Variants in FYB1 observed in about 807,000 individuals in gnomAD.
The protein encoded by FYB1 is FYN binding protein 1, also known as FYN-binding protein 1.
Under a neutral mutation model 94.1 loss-of-function variants are expected in FYB1, and 41 were observed. The observed-to-expected ratio is 0.44, with a 90% CI of 0.34 to 0.57. The LOEUF is 0.57. Among genes scored for constraint, FYB1 ranks in the 20% least tolerant of loss-of-function variants. The pLI, the probability that FYB1 is intolerant of heterozygous loss-of-function variation, is 0.02. For synonymous variants in FYB1, 367 were observed against 353.2 expected (o/e 1.04, Z -0.44); for missense variants, 1,050 against 976.8 (o/e 1.07, Z -1.00).
intron 3 of FYB1, 94 bp downstream of exon 3, chr5:39,153,354 G>T: frequency 6.7e-7 from 1 of 1,489,270 alleles, no homozygotes; most frequent in South Asian, 1.2e-5. Context: ...AGACCCAGAA[G>T]TTTCCCATGG....
At chr5:39,135,974 G>A (rs1741641326) in intron 7 of FYB1, among the ~76,000 whole-genome samples, 1 of 152,074 alleles carries the variant, frequency 6.6e-6, no homozygotes. Context: ...GAATGAATGA[G>A]ATAATGTAAA....
At chr5:39,193,022 T>C (rs1304165574) in intron 2 of FYB1, among the ~76,000 whole-genome samples, 1 of 152,210 alleles carries the variant, frequency 6.6e-6, no homozygotes, top group Non-Finnish European at 1.5e-5. Context: ...CTCAAGGCAT[T>C]TGCAGGTTAG....
intron 14 of FYB1, 95 bp from the exon 15 acceptor site, chr5:39,119,729 C>G (rs1354537199): frequency 1.6e-6 from 2 of 1,275,386 alleles, no homozygotes; most frequent in Non-Finnish European, 2.0e-6. Context: ...ATATTTTTAA[C>G]TTTTTGTTTC....
chr5:39,246,679 A>G (rs1243438188), intron 1 of FYB1, among the ~76,000 whole-genome samples: 1 of 152,204 alleles, frequency 6.6e-6, no homozygotes, highest in East Asian at 1.9e-4. Context: ...CAGGTAGAGA[A>G]CAAGTCCAGG....
chr5:39,135,668 C>T (rs376778336), intron 7 of FYB1, among the ~76,000 whole-genome samples: 15 of 152,216 alleles, frequency 9.9e-5, no homozygotes, highest in South Asian at 8.3e-4. Flanking sequence ...ATATGCATGA[C>T]GACTTTTGAA....
At chr5:39,128,053 C>T (rs1426574648) in intron 10 of FYB1, among the ~76,000 whole-genome samples, 1 of 151,964 alleles carries the variant, frequency 6.6e-6, no homozygotes, top group Non-Finnish European at 1.5e-5. Flanking sequence ...GGTGCAAAAA[C>T]ATGAGAAAAA....
chr5:39,231,181 C>A (rs28486009), intron 1 of FYB1, among the ~76,000 whole-genome samples: 2,138 of 100,716 alleles, frequency 0.021, 97 homozygotes, highest in African/African-American at 0.15. Context: ...ACAAAAAAAA[C>A]AAAACAGCTG....
At chr5:39,262,773 A>G (rs527778814) in intron 1 of FYB1, among the ~76,000 whole-genome samples, 2 of 152,352 alleles carry the variant, frequency 1.3e-5, no homozygotes, top group East Asian at 3.9e-4. Context: ...AAAAAACCCA[A>G]TGTAGAGTGA....
At chr5:39,179,886 G>T (rs987134028) in intron 2 of FYB1, among the ~76,000 whole-genome samples, 7 of 152,060 alleles carry the variant, frequency 4.6e-5, no homozygotes, top group African/African-American at 1.7e-4. Flanking sequence ...CCTGGTTTAT[G>T]CCTACTCTGT....
chr5:39,182,312 T>C (rs903062163), intron 2 of FYB1, among the ~76,000 whole-genome samples: 1 of 30,318 alleles, frequency 3.3e-5, no homozygotes, highest in African/African-American at 8.3e-5. Flanking sequence ...TGTGTGTGTG[T>C]GTGTGTGTGT....
intron 15 of FYB1, 50 bp downstream of exon 15, chr5:39,119,485 G>T: frequency 1.5e-6 from 2 of 1,315,492 alleles, no homozygotes; most frequent in South Asian, 1.7e-5. Context: ...AAAATCATTG[G>T]ATTTTTCAAT....
intron 2 of FYB1, among the ~76,000 whole-genome samples, chr5:39,188,928 A>G (rs2150451801): frequency 6.6e-6 from 1 of 152,230 alleles, no homozygotes; most frequent in Non-Finnish European, 1.5e-5. Context: ...TCCATCCCAG[A>G]CCTCTTGAAC....
At chr5:39,212,146 A>G (rs923212579) in intron 1 of FYB1, among the ~76,000 whole-genome samples, 1 of 152,092 alleles carries the variant, frequency 6.6e-6, no homozygotes, top group Non-Finnish European at 1.5e-5. Flanking sequence ...TTTCTACAAA[A>G]GAATATGCAA....
At chr5:39,152,117 T>C (rs1002142210) in intron 3 of FYB1, among the ~76,000 whole-genome samples, 3 of 152,218 alleles carry the variant, frequency 2.0e-5, no homozygotes, top group Admixed American at 6.5e-5. Flanking sequence ...CTGGATATCA[T>C]GGAGGATTAG....
chr5:39,225,731 T>C (rs543363892), intron 1 of FYB1, among the ~76,000 whole-genome samples: 3 of 152,362 alleles, frequency 2.0e-5, no homozygotes, highest in East Asian at 3.9e-4. Context: ...TTTCTCTTCA[T>C]GCCCAATGAA....
chr5:39,135,362 T>A (rs998379536), intron 7 of FYB1, among the ~76,000 whole-genome samples: 3 of 152,268 alleles, frequency 2.0e-5, no homozygotes, highest in African/African-American at 4.8e-5. Context: ...TGTATCTTTA[T>A]GGAATATGCC....
intron 10 of FYB1, among the ~76,000 whole-genome samples, chr5:39,129,402 G>A (rs965830624): frequency 1.3e-4 from 19 of 151,940 alleles, no homozygotes; most frequent in African/African-American, 4.6e-4. Context: ...GGTCTAGGTA[G>A]AGATTTCATG....
intron 2 of FYB1, chr5:39,170,092 A>G: frequency 1.2e-6 from 1 of 846,598 alleles, no homozygotes; most frequent in African/African-American, 1.7e-5. Flanking sequence ...AGTGCCAGCT[A>G]AGATGGTGGC....
At chr5:39,130,780 G>T (rs1037414922) in intron 9 of FYB1, among the ~76,000 whole-genome samples, 168 bp from the exon 10 acceptor site, 2 of 152,068 alleles carry the variant, frequency 1.3e-5, no homozygotes, top group Non-Finnish European at 2.9e-5. Context: ...TCATAGATGG[G>T]TAATGACAAG....
Sources: gnomAD v4.1 joint callset for allele counts (sites outside exome capture counted in the v4.1 genomes callset) on GRCh38, gnomAD v4.1.1 for gene constraint, MANE v1.5 for transcripts, NCBI Gene and HGNC (gene_info 2026-07-23, HGNC 2026-07-21) for gene names.